The following TET1 variants were observed in gnomAD, a reference collection of about 807,000 sequenced individuals.
The protein encoded by TET1 is methylcytosine dioxygenase TET1.
Under a neutral mutation model 148.7 loss-of-function variants are expected in TET1, and 13 were observed. The ratio of observed to expected loss-of-function variants is 0.09; its 90% CI spans 0.06 to 0.14. TET1 has a LOEUF of 0.14. Ranked by LOEUF, TET1 falls within the 10% of genes least tolerant of loss-of-function variation. The probability of loss-of-function intolerance (pLI) is 1.00; values close to 1 mark genes in which losing one functional copy is unlikely to be tolerated. For missense variants in TET1, 2,182 were observed against 2,553.8 expected (o/e 0.85, Z 3.14); for synonymous variants, 907 against 937.2 (o/e 0.97, Z 0.59).
At chr10:68,623,225 C>T (rs2054401746) in intron 3 of TET1, among the ~76,000 whole-genome samples, 2 of 152,178 alleles carry the variant, frequency 1.3e-5, no homozygotes, top group African/African-American at 4.8e-5. Context: ...ATTCCTTCTA[C>T]ATCTATTAAT....
chr10:68,585,662 A>G (rs2053852466), intron 2 of TET1, among the ~76,000 whole-genome samples: 1 of 152,050 alleles, frequency 6.6e-6, no homozygotes, highest in African/African-American at 2.4e-5. Flanking sequence ...GAGAAAGGAA[A>G]TCATATGTCC....
At chr10:68,685,945 A>T (rs2055502851) in intron 10 of TET1, among the ~76,000 whole-genome samples, 1 of 152,220 alleles carries the variant, frequency 6.6e-6, no homozygotes, top group African/African-American at 2.4e-5. Context: ...CATTCTTGAA[A>T]TATCAGAAAT....
intron 4 of TET1, among the ~76,000 whole-genome samples, chr10:68,651,081 CAT>C (rs780983318): frequency 3.9e-5 from 6 of 152,090 alleles, no homozygotes; most frequent in African/African-American, 9.7e-5. Flanking sequence ...ATTTAAACCA[CAT>C]GTTATTGACA....
At chr10:68,610,111 A>G (rs920792506) in intron 3 of TET1, among the ~76,000 whole-genome samples, 2 of 152,056 alleles carry the variant, frequency 1.3e-5, no homozygotes, top group Non-Finnish European at 2.9e-5. Flanking sequence ...GTGATACCCC[A>G]TCTCTACTAA....
chr10:68,673,081 G>A, intron 8 of TET1, 36 bp downstream of exon 8: 9 of 1,571,520 alleles, frequency 5.7e-6, no homozygotes, highest in Non-Finnish European at 6.1e-6. Context: ...ATTTATTTTT[G>A]AATTACACAT....
chr10:68,666,980 A>G, intron 6 of TET1, 65 bp from the exon 7 acceptor site: 1 of 1,322,890 alleles, frequency 7.6e-7, no homozygotes, highest in South Asian at 1.3e-5. Context: ...CATCAAAAGG[A>G]ATATCCATTG....
At chr10:68,596,027 C>CACACATATATATATATAT (rs71470531) in intron 2 of TET1, among the ~76,000 whole-genome samples, 1 of 61,760 alleles carries the variant, frequency 1.6e-5, no homozygotes, top group African/African-American at 7.0e-5. Context: ...CACACACACA[C>CACACATATATATATATAT]ATATATATAT....
chr10:68,581,511 C>T (rs938049549), intron 2 of TET1, among the ~76,000 whole-genome samples: 1 of 152,144 alleles, frequency 6.6e-6, no homozygotes, highest in Admixed American at 6.6e-5. Flanking sequence ...CTAAGCTACA[C>T]TTTCACAAGT....
At chr10:68,678,555 GC>G (rs757003305) in intron 8 of TET1, among the ~76,000 whole-genome samples, 17 of 152,068 alleles carry the variant, frequency 1.1e-4, no homozygotes, top group Non-Finnish European at 2.1e-4. Context: ...TTTGAGACCA[GC>G]CTGGCTAACA....
chr10:68,602,005 G>T (rs2054061783), intron 3 of TET1, among the ~76,000 whole-genome samples: 1 of 152,148 alleles, frequency 6.6e-6, no homozygotes, highest in Admixed American at 6.6e-5. Context: ...TGTTGCCCCA[G>T]TGTGTAACTT....
rs758583829 is a variant in TET1 at position 68,646,547 on chromosome 10, A to C, written c.3818A>C (p.Asn1273Thr). 2 of 1,614,186 alleles carry C rather than the reference A, an allele frequency of 1.2e-6. No individual in the cohort carries two copies. The highest frequency in any genetic ancestry group is 1.7e-6 in the Non-Finnish European group (2 of 1,180,032). The change falls in exon 4 of 12, where the codon AAC (asparagine) becomes ACC (threonine). Residue 1273 changes from asparagine to threonine, a missense_variant. Asn to Thr is a moderately conservative substitution (Grantham distance 65, BLOSUM62 0). This residue lies in a region of TET1 where 582 missense variants were observed against 599.5 expected (regional missense o/e 0.97). Coordinates refer to ENST00000373644, the MANE Select transcript of TET1 (RefSeq NM_030625.3). ...TTATTTCATCTTAAAACGGAATCCA[A>C]CGGGAAGGCATTCACTGATAAAGCT... The part of the protein sequence containing the change: ...LSLFHLKTES[N>T]GKAFTDKAYN...
At chr10:68,636,092 T>C (rs2054646498) in intron 3 of TET1, among the ~76,000 whole-genome samples, 1 of 152,104 alleles carries the variant, frequency 6.6e-6, no homozygotes, top group Non-Finnish European at 1.5e-5. Flanking sequence ...AGGAGGGAAA[T>C]TGGTAGAATG....
chr10:68,624,391 G>A (rs2132984947), intron 3 of TET1, among the ~76,000 whole-genome samples: 1 of 152,262 alleles, frequency 6.6e-6, no homozygotes, highest in South Asian at 2.1e-4. Flanking sequence ...CCGGGTTCAA[G>A]CAATTCTCCT....
chr10:68,567,375 A>T (rs1312975451), intron 1 of TET1, among the ~76,000 whole-genome samples: 1 of 152,058 alleles, frequency 6.6e-6, no homozygotes, highest in Admixed American at 6.6e-5. Context: ...TTTTAAACAG[A>T]TTGAACCCGG....
At chr10:68,676,612 A>G (rs764580171) in intron 8 of TET1, among the ~76,000 whole-genome samples, 1 of 151,368 alleles carries the variant, frequency 6.6e-6, no homozygotes, top group Non-Finnish European at 1.5e-5. Flanking sequence ...ATGGGATTTC[A>G]TCATATTGGC....
At chr10:68,676,289 T>C (rs2055360393) in intron 8 of TET1, among the ~76,000 whole-genome samples, 2 of 121,736 alleles carry the variant, frequency 1.6e-5, no homozygotes, top group African/African-American at 3.3e-5. Context: ...TTTTTTTTTT[T>C]TTTTTTTCTT....
chr10:68,643,261 C>CAAAAAAAAAAAAAAAAAAAA (rs59820865), intron 3 of TET1, among the ~76,000 whole-genome samples: 2 of 91,848 alleles, frequency 2.2e-5, no homozygotes, highest in Non-Finnish European at 2.0e-5. Context: ...GACCCTGTCT[C>CAAAAAAAAAAAAAAAAAAAA]AAAAAAAAAA....
At chr10:68,595,790 G>C (rs1402655706) in intron 2 of TET1, among the ~76,000 whole-genome samples, 9 of 146,414 alleles carry the variant, frequency 6.1e-5, no homozygotes, top group Admixed American at 4.1e-4. Context: ...GCTAATTTTT[G>C]TATATTTAGT....
intron 3 of TET1, among the ~76,000 whole-genome samples, chr10:68,631,378 TGCAATGTG>T (rs1486866351): frequency 2.0e-5 from 3 of 151,418 alleles, no homozygotes; most frequent in Admixed American, 2.0e-4. Context: ...TGTAAAATGG[TGCAATGTG>T]GTAGGGTATT....
Sources: gnomAD v4.1 joint callset for allele counts (sites outside exome capture counted in the v4.1 genomes callset) on GRCh38, gnomAD v4.1.1 for gene constraint, gnomAD v4.1.1 regional missense constraint, MANE v1.5 for transcripts, NCBI Gene and HGNC (gene_info 2026-07-23, HGNC 2026-07-21) for gene names.